The following MCM8 variants were observed in gnomAD, a reference collection of about 807,000 sequenced individuals.
The protein encoded by MCM8 is minichromosome maintenance 8 homologous recombination repair factor.
MCM8 carries 85 observed loss-of-function variants against 98.9 expected under a neutral mutation model. That is an observed-to-expected ratio of 0.86 (90% confidence interval 0.72 to 1.03). The LOEUF is 1.03. MCM8 is among the 50% of genes least tolerant of loss of function. MCM8 has a pLI of 0.00. For missense variants in MCM8, 951 were observed against 997.8 expected, an observed-to-expected ratio of 0.95 and a Z score of 0.63; for synonymous variants, 352 against 338.6, an observed-to-expected ratio of 1.04 and a Z score of -0.44.
chr20:5,992,433 C>G (rs185861220), intron 17 of MCM8, among the ~76,000 whole-genome samples: 1 of 152,156 alleles, frequency 6.6e-6, no homozygotes, highest in Admixed American at 6.5e-5. Context: ...GTGGGATAGC[C>G]TATGTTAAAC....
chr20:5,971,214 A>C (rs1296140328), intron 10 of MCM8, among the ~76,000 whole-genome samples: 2 of 152,214 alleles, frequency 1.3e-5, no homozygotes, highest in Non-Finnish European at 2.9e-5. Flanking sequence ...CACAAAGGGA[A>C]GTGGGGGTCA....
intron 8 of MCM8, among the ~76,000 whole-genome samples, chr20:5,966,905 A>G (rs1458710137): frequency 1.3e-5 from 2 of 152,108 alleles, no homozygotes; most frequent in Non-Finnish European, 2.9e-5. Context: ...TCCCCTACCC[A>G]CCTGTCCACT....
chr20:5,984,202 C>G (rs558597854), intron 14 of MCM8, among the ~76,000 whole-genome samples: 9 of 152,184 alleles, frequency 5.9e-5, no homozygotes, highest in African/African-American at 2.2e-4. Context: ...AAATTAGAGC[C>G]TTAAGCCTAG....
rs1336496476 is a variant in MCM8 at position 5,951,997 on chromosome 20, T to TA, written c.-5-13dup. On this transcript the variant is annotated splice_polypyrimidine_tract_variant and intron_variant, in intron 1 of 18. Transcript: ENST00000610722. The stretch of plus-strand genomic sequence containing the variant: ...ACAGTTTTGGTGAAGACCTTTTTAA[T>TA]ATCTATCTTTTAGGAGAGATGAATG... The TA allele has an allele frequency of 6.3e-7, 1 of 1,598,242 alleles. No homozygotes were observed. Among genetic ancestry groups the TA allele is most frequent in the South Asian group, 1.1e-5 (1 of 88,442 alleles).
chr20:5,972,073 A>C, intron 11 of MCM8, 36 bp downstream of exon 11: 1 of 1,543,570 alleles, frequency 6.5e-7, no homozygotes, highest in East Asian at 2.3e-5. Context: ...CAAAAAGTAT[A>C]TAAGGTTAGC....
At chr20:5,985,441 CA>C (rs59820663) in intron 15 of MCM8, among the ~76,000 whole-genome samples, 34,597 of 92,656 alleles carry the variant, frequency 0.37, 6,831 homozygotes, top group African/African-American at 0.67. Context: ...GAGACTGTCT[CA>C]AAAAAAAAAA....
In MCM8 at chr20:5,955,228, T is replaced by G; in HGVS notation, c.463T>G (p.Cys155Gly). 1 of 1,613,190 alleles carries G rather than the reference T, an allele frequency of 6.2e-7. No homozygotes were observed. The highest frequency in any genetic ancestry group is 1.7e-5 in the Admixed American group (1 of 59,820). Residue 155 changes from cysteine (C) to glycine (G), a missense_variant, in exon 5 of 19, where the codon TGC becomes GGC. Physicochemically the swap from Cys to Gly is radical, Grantham distance 159. Transcript: ENST00000610722. ...LRDAPEKTLACMGLAIHQVLT... is the reference protein window; with the variant it reads ...LRDAPEKTLAGMGLAIHQVLT... ...AGATGCACCTGAGAAAACCTTGGCTTGCATGGGTTTGGCAATACATCAGGT... is the reference window on the plus strand; with the variant it reads ...AGATGCACCTGAGAAAACCTTGGCTGGCATGGGTTTGGCAATACATCAGGT...
rs200231690 is a variant in MCM8 at position 5,958,837 on chromosome 20, T to C, written c.789+111T>C. 1.4e-5 allele frequency: 14 copies of C among 983,512 alleles called. No individual in the cohort carries two copies. The East Asian group carries it at 3.7e-4, about 26-fold the overall frequency. 60.9% of individuals were successfully genotyped at this position (983,512 alleles called of 1,614,324 possible). On this transcript the variant is annotated intron_variant, in intron 7 of 18. Transcript: ENST00000610722. ...CACAGAGCTTATTTTTATTTTTTATTTTCAATTTTCTGCTTTTATATTATG... is the reference window on the plus strand; with the variant it reads ...CACAGAGCTTATTTTTATTTTTTATCTTCAATTTTCTGCTTTTATATTATG...
rs1457602149 is a variant in MCM8 at position 5,963,286 on chromosome 20, G to C, written c.802G>C (p.Val268Leu). Residue 268 changes from valine (V) to leucine (L), a missense_variant, in exon 8 of 19, where the codon GTG becomes CTG. By Grantham distance (32) the Val-to-Leu change is conservative (BLOSUM62 1). Transcript: ENST00000610722. ...YSLPTKCPVP[V>L]CRGRSFTALR... ...TTGTTTCATTCAGTGTCCTGTGCCT[G>C]TGTGTCGAGGCAGGTCATTTACTGC... 6 of 1,613,458 alleles carry C rather than the reference G, an allele frequency of 3.7e-6. No individual in the cohort carries two copies. Among genetic ancestry groups the C allele is most frequent in the South Asian group, 2.2e-5 (2 of 91,080 alleles).
intron 12 of MCM8, among the ~76,000 whole-genome samples, chr20:5,973,836 G>A (rs2089455179): frequency 6.6e-6 from 1 of 152,096 alleles, no homozygotes; most frequent in African/African-American, 2.4e-5. Flanking sequence ...TGTATTTTTA[G>A]TAGAGACAGG....
At chr20:5,963,673 G>A (rs1305185726) in intron 8 of MCM8, among the ~76,000 whole-genome samples, 3 of 151,784 alleles carry the variant, frequency 2.0e-5, no homozygotes, top group Non-Finnish European at 2.9e-5. Flanking sequence ...GACTACAGGC[G>A]CCCACCACAA....
intron 18 of MCM8, 58 bp downstream of exon 18, chr20:5,993,753 T>C: frequency 1.5e-6 from 2 of 1,349,754 alleles, no homozygotes; most frequent in East Asian, 2.3e-5. Context: ...TGTTAATATA[T>C]AGTAGAACAG....
At chr20:5,987,126 C>T (rs1568597958) in intron 16 of MCM8, among the ~76,000 whole-genome samples, 156 bp from the exon 17 acceptor site, 1 of 152,204 alleles carries the variant, frequency 6.6e-6, no homozygotes, top group Non-Finnish European at 1.5e-5. Context: ...CACCCCCAGC[C>T]CAGAGAATTA....
Position 5,958,629 on chromosome 20 carries a change from T to C in MCM8, c.692T>C (p.Ile231Thr), listed in dbSNP as rs779688721. 1 of 1,614,044 alleles carries C rather than the reference T, an allele frequency of 6.2e-7. No individual in the cohort carries two copies. Among genetic ancestry groups the C allele is most frequent in the African/African-American group, 1.3e-5 (1 of 74,926 alleles). The change falls in exon 7 of 19, where the codon ATA (isoleucine) becomes ACA (threonine). Residue 231 changes from isoleucine to threonine, a missense_variant. By Grantham distance (89) the Ile-to-Thr change is moderately conservative (BLOSUM62 -1). Coordinates refer to ENST00000610722, the MANE Select transcript of MCM8 (RefSeq NM_032485.6). ...GGGACAGTGGTTCGTGTCAGTAATA[T>C]AAAGCCTCTTTGCACCAAGATGGCT... The part of the protein sequence containing the change: ...LRGTVVRVSN[I>T]KPLCTKMAFL...
At chr20:5,986,354 A>G (rs912653468) in intron 16 of MCM8, among the ~76,000 whole-genome samples, 13 of 152,176 alleles carry the variant, frequency 8.5e-5, no homozygotes, top group African/African-American at 3.1e-4. Context: ...TTAGCATGCA[A>G]CTTTTCTTTT....
chr20:5,958,167 G>A (rs1222198049), intron 6 of MCM8, among the ~76,000 whole-genome samples: 3 of 152,146 alleles, frequency 2.0e-5, no homozygotes, highest in Non-Finnish European at 4.4e-5. Flanking sequence ...TCAAGCGATC[G>A]AGACCATCCT....
At chr20:5,992,624 C>G (rs142012044) in intron 17 of MCM8, among the ~76,000 whole-genome samples, 55 of 152,188 alleles carry the variant, frequency 3.6e-4, no homozygotes, top group Middle Eastern at 3.4e-3. Flanking sequence ...ATGACTCATT[C>G]CTATTTGCAT....
chr20:5,969,703 C>T (rs1427493481), intron 10 of MCM8, among the ~76,000 whole-genome samples: 1 of 151,910 alleles, frequency 6.6e-6, no homozygotes, highest in Non-Finnish European at 1.5e-5. Context: ...AATTAGCTGA[C>T]TGAGTAAAGA....
intron 13 of MCM8, among the ~76,000 whole-genome samples, chr20:5,982,739 T>C (rs73896703): frequency 0.074 from 11,211 of 152,262 alleles, 515 homozygotes; most frequent in East Asian, 0.24. Context: ...AACATAGTGC[T>C]GTGCGTATGA....
Sources: allele counts gnomAD v4.1 joint callset (sites outside exome capture counted in the v4.1 genomes callset), GRCh38; gene constraint gnomAD v4.1.1; transcripts MANE v1.5; gene names NCBI Gene and HGNC (gene_info 2026-07-23, HGNC 2026-07-21).